SAP130: variants seen among roughly 807,000 people sequenced by gnomAD.
The protein encoded by SAP130 is Sin3A associated protein 130.
Under a neutral mutation model 103.2 loss-of-function variants are expected in SAP130, and 16 were observed. The ratio of observed to expected loss-of-function variants is 0.16; its 90% CI spans 0.10 to 0.24. SAP130 has a LOEUF of 0.24. Among genes scored for constraint, SAP130 ranks in the 10% least tolerant of loss-of-function variants. The probability of loss-of-function intolerance (pLI) is 1.00; values close to 1 mark genes in which losing one functional copy is unlikely to be tolerated. For synonymous variants in SAP130, 477 were observed against 497.0 expected (o/e 0.96, Z 0.53); for missense variants, 990 against 1,359.7 (o/e 0.73, Z 4.28).
intron 12 of SAP130, among the ~76,000 whole-genome samples, chr2:127,991,344 CA>C (rs989847944): frequency 2.0e-5 from 3 of 152,060 alleles, no homozygotes; most frequent in East Asian, 1.9e-4. Flanking sequence ...CATTAATAAA[CA>C]TTTTTTTTGG....
intron 15 of SAP130, among the ~76,000 whole-genome samples, chr2:127,975,403 C>T (rs1681387647): frequency 6.6e-6 from 1 of 152,028 alleles, no homozygotes; most frequent in African/African-American, 2.4e-5. Context: ...AAGGATAAGA[C>T]CTAGACTTGT....
rs765351007 is a variant in SAP130 at position 127,942,196 on chromosome 2, T to C, written c.3016-32A>G. The C allele has an allele frequency of 3.2e-6, 5 of 1,564,790 alleles. No individual in the cohort carries two copies. In the East Asian group the frequency reaches 9.0e-5, roughly 28 times the overall value. Reference sequence around the variant, plus strand: ...CAGAAGACATTGCATCATCAATCAGTGACCATGAGGATAGTACAGCTTTTA... The same window carrying C: ...CAGAAGACATTGCATCATCAATCAGCGACCATGAGGATAGTACAGCTTTTA... On this transcript the variant is annotated intron_variant, in intron 20 of 20. Coordinates refer to ENST00000643581, the MANE Select transcript of SAP130 (RefSeq NM_001330301.2). The surrounding 1 kb of genome is among the most constrained non-coding windows in gnomAD (Gnocchi z 4.8).
At chr2:127,957,336 A>C (rs1050685282) in intron 15 of SAP130, among the ~76,000 whole-genome samples, 1 of 152,198 alleles carries the variant, frequency 6.6e-6, no homozygotes, top group Non-Finnish European at 1.5e-5. Context: ...AAAGGGGAAA[A>C]AAAAGAAAAA....
chr2:127,967,612 G>T (rs1269897560), intron 15 of SAP130, among the ~76,000 whole-genome samples: 2 of 152,174 alleles, frequency 1.3e-5, no homozygotes, highest in Non-Finnish European at 2.9e-5. Flanking sequence ...TGGCCAAGCT[G>T]GTCTTGAACT....
intron 7 of SAP130, 144 bp downstream of exon 7, chr2:128,010,125 G>GCC: frequency 1.3e-6 from 1 of 754,072 alleles, no homozygotes; most frequent in Non-Finnish European, 1.9e-6. Context: ...CACAGCTTTA[G>GCC]CCCCAGGATT....
At chr2:127,970,531 G>A (rs1681006650) in intron 15 of SAP130, among the ~76,000 whole-genome samples, 1 of 100,260 alleles carries the variant, frequency 1.0e-5, no homozygotes, top group Non-Finnish European at 1.9e-5. Flanking sequence ...CAGAGAGCAA[G>A]ACTCTGTCTT....
chr2:127,985,517 T>C (rs1204130901), intron 14 of SAP130, among the ~76,000 whole-genome samples: 1 of 152,126 alleles, frequency 6.6e-6, no homozygotes, highest in Admixed American at 6.5e-5. Context: ...GCACAGCACA[T>C]ACCTTCCTGC....
Position 127,989,921 on chromosome 2 carries a change from C to A in SAP130, c.1478-55G>T. The A allele has an allele frequency of 6.6e-7, 1 of 1,514,978 alleles. No homozygotes were observed. The highest frequency in any genetic ancestry group is 1.2e-5 in the South Asian group (1 of 80,666). The allele number at this position is 1,514,978 out of a possible 1,614,324, so 93.8% of individuals were successfully genotyped here. On this transcript the variant is annotated intron_variant, in intron 12 of 20. Transcript: ENST00000643581. The surrounding 1 kb of genome is among the most constrained non-coding windows in gnomAD (Gnocchi z 4.6). Reference sequence around the variant, plus strand: ...AAGGTTAGCTTCATTTCACACAGTCCACATAAAGAGAGAAACACTAAAAAC... The same window carrying A: ...AAGGTTAGCTTCATTTCACACAGTCAACATAAAGAGAGAAACACTAAAAAC...
In SAP130 at chr2:128,010,296, G is replaced by A. The variant is rs1402417930; in HGVS notation, c.842C>T (p.Ala281Val). 6.2e-6 allele frequency: 10 copies of A among 1,613,710 alleles called. No individual in the cohort carries two copies. Among genetic ancestry groups the A allele is most frequent in the Middle Eastern group, 1.6e-4 (1 of 6,080 alleles). The stretch of plus-strand genomic sequence containing the variant: ...AAGTGCTGAATCAGTAGCATGCGCC[G>A]CTGTCGTAGTGATGACTGGAGACTG... ...RAQSPVITTT[A>V]AHATDSALSR... The change falls in exon 7 of 21, where the codon GCG (alanine) becomes GTG (valine). Residue 281 changes from alanine (A) to valine (V), a missense_variant. Ala to Val is a moderately conservative substitution (Grantham distance 64, BLOSUM62 0). Coordinates refer to ENST00000643581, the MANE Select transcript of SAP130 (RefSeq NM_001330301.2).
chr2:127,982,604 C>G (rs1279213610), intron 14 of SAP130, among the ~76,000 whole-genome samples: 2 of 152,176 alleles, frequency 1.3e-5, no homozygotes, highest in Non-Finnish European at 2.9e-5. Context: ...AGAGAGTATA[C>G]TTTGATGGGC....
At chr2:128,027,378 G>A in intron 1 of SAP130, 1 of 1,143,296 alleles carries the variant, frequency 8.7e-7, no homozygotes, top group Non-Finnish European at 1.1e-6. Flanking sequence ...CCAATCCACA[G>A]CGACCTGCAC....
intron 1 of SAP130, among the ~76,000 whole-genome samples, chr2:128,026,935 G>T (rs1685539093): frequency 6.6e-6 from 1 of 151,942 alleles, no homozygotes; most frequent in South Asian, 2.1e-4. Context: ...GCGATCTCCC[G>T]ATTCGCCCGC....
intron 15 of SAP130, among the ~76,000 whole-genome samples, chr2:127,960,713 A>G (rs575272531): frequency 1.3e-5 from 2 of 152,260 alleles, no homozygotes; most frequent in South Asian, 2.1e-4. Context: ...TAACCCATCT[A>G]CTATTATCTT....
intron 14 of SAP130, among the ~76,000 whole-genome samples, chr2:127,980,422 G>T (rs1356980303): frequency 6.6e-6 from 1 of 152,126 alleles, no homozygotes; most frequent in Non-Finnish European, 1.5e-5. Flanking sequence ...ATTACTCCTG[G>T]TGAGAGTGTA....
chr2:127,982,345 A>G (rs1432158655), intron 14 of SAP130, among the ~76,000 whole-genome samples: 1 of 152,224 alleles, frequency 6.6e-6, no homozygotes, highest in Admixed American at 6.5e-5. Flanking sequence ...ATTCTTGAAT[A>G]GACAAGAGAG....
At chr2:128,021,322 C>G (rs1310691388) in intron 2 of SAP130, among the ~76,000 whole-genome samples, 1 of 151,848 alleles carries the variant, frequency 6.6e-6, no homozygotes, top group African/African-American at 2.4e-5. Context: ...TGGCGGGCGC[C>G]TATAGTCCCA....
In SAP130 at chr2:127,955,184, G is replaced by A; in HGVS notation, c.2224C>T (p.Pro742Ser). The change falls in exon 16 of 21, where the codon CCC (proline) becomes TCC (serine). Residue 742 changes from proline to serine, a missense_variant. Transcript: ENST00000643581. The surrounding 1 kb of genome is among the most constrained non-coding windows in gnomAD (Gnocchi z 4.9). ...TIPTMIAAASPPSQPAVALST... is the reference protein window; with the variant it reads ...TIPTMIAAASSPSQPAVALST... ...AGGGCAACGGCTGGTTGTGACGGGG[G>A]ACTGGCTGCTGCAATCATAGTTGGA... 3 of 1,614,160 alleles carry A rather than the reference G, an allele frequency of 1.9e-6. No homozygotes were observed. The highest frequency in any genetic ancestry group is 1.6e-4 in the Middle Eastern group (1 of 6,062).
chr2:128,020,981 C>G (rs1685112516), intron 2 of SAP130, among the ~76,000 whole-genome samples: 1 of 151,942 alleles, frequency 6.6e-6, no homozygotes, highest in African/African-American at 2.4e-5. Flanking sequence ...CGAAGCAAGA[C>G]TCTGTCTCAA....
At chr2:128,023,437 C>G (rs1330659872) in intron 2 of SAP130, among the ~76,000 whole-genome samples, 1 of 152,206 alleles carries the variant, frequency 6.6e-6, no homozygotes, top group African/African-American at 2.4e-5. Context: ...GCCTACTGCA[C>G]ACAGCCTTTA....
Sources: allele counts gnomAD v4.1 joint callset (sites outside exome capture counted in the v4.1 genomes callset), GRCh38; gene constraint gnomAD v4.1.1; non-coding constraint Gnocchi (gnomAD v3.1); transcripts MANE v1.5; gene names NCBI Gene and HGNC (gene_info 2026-07-23, HGNC 2026-07-21).